Variants in VWA8 observed in about 807,000 individuals in gnomAD.
The protein encoded by VWA8 is von Willebrand factor A domain containing 8.
In VWA8, 221 loss-of-function variants were observed where a neutral mutation model predicts 241.5. That is an observed-to-expected ratio of 0.91 (90% CI 0.82 to 1.02). The LOEUF is 1.02. Among genes scored for constraint, VWA8 ranks in the 50% least tolerant of loss-of-function variants. The pLI, the probability that VWA8 is intolerant of heterozygous loss-of-function variation, is 0.00. For missense variants in VWA8, 2,322 were observed against 2,328.7 expected (o/e 1.00, Z 0.06); for synonymous variants, 852 against 827.1 (o/e 1.03, Z -0.52).
rs1874364004 is a variant in VWA8, at chr13:41,883,463, T to C, written c.1004A>G (p.His335Arg). 6.2e-7 allele frequency: 1 copy of C among 1,613,420 alleles called. No homozygotes were observed. The highest frequency in any genetic ancestry group is 1.3e-5 in the African/African-American group (1 of 74,898). ...ATATGGATAAAGCCACTGGATTGCA[T>C]GTTTGATTGGCATCATAGGAAAGGA... is the stretch of plus-strand genomic sequence containing the variant. ...LDSFPMMPIKHAIQWLYPYSI... is the reference protein window; with the variant it reads ...LDSFPMMPIKRAIQWLYPYSI... The change falls in exon 9 of 45, where the codon CAT (histidine) becomes CGT (arginine). Residue 335 changes from histidine to arginine, a missense_variant. By Grantham distance (29) the His-to-Arg change is conservative. Transcript: ENST00000379310.
At chr13:41,684,755 A>G (rs566243055) in intron 35 of VWA8, among the ~76,000 whole-genome samples, 8 of 152,312 alleles carry the variant, frequency 5.3e-5, no homozygotes, top group African/African-American at 1.9e-4. Context: ...TTCTATGCCT[A>G]ATATACTAAG....
chr13:41,693,406 T>C (rs1410837580), intron 29 of VWA8, among the ~76,000 whole-genome samples: 1 of 152,100 alleles, frequency 6.6e-6, no homozygotes, highest in Non-Finnish European at 1.5e-5. Flanking sequence ...GAAAGCTCTC[T>C]TATATTGTGC....
intron 18 of VWA8, among the ~76,000 whole-genome samples, chr13:41,786,133 G>C (rs1869178834): frequency 6.6e-6 from 1 of 152,100 alleles, no homozygotes; most frequent in South Asian, 2.1e-4. Context: ...AGCCTAGTAG[G>C]CTGTAAACCT....
At chr13:41,839,145 C>T (rs139253204) in intron 12 of VWA8, among the ~76,000 whole-genome samples, 1,671 of 152,262 alleles carry the variant, frequency 0.011, 31 homozygotes, top group African/African-American at 0.039. Flanking sequence ...TCTCCACATC[C>T]TCTCCAGCAT....
chr13:41,833,327 A>G (rs1871554459), intron 13 of VWA8, 44 bp downstream of exon 13: 3 of 1,556,862 alleles, frequency 1.9e-6, no homozygotes, highest in East Asian at 4.5e-5. Context: ...CTTAAGTCAG[A>G]GTGGGGTGTG....
In VWA8 at chr13:41,811,303, AGTT is replaced by A; in HGVS notation, c.1982_1984del (p.Gln661del). 3 of 1,611,470 alleles carry A rather than the reference AGTT, an allele frequency of 1.9e-6. No individual in the cohort carries two copies. Among genetic ancestry groups the A allele is most frequent in the Non-Finnish European group, 2.5e-6 (3 of 1,177,982 alleles). On this transcript the variant is annotated inframe_deletion, in exon 17 of 45. Transcript: ENST00000379310. ...TGACAGCCGACGAGAAATTCGCAACAGTTGTCTGGTAGAAAGTGATGCCGCTAA... is the reference window on the plus strand; with the variant it reads ...TGACAGCCGACGAGAAATTCGCAACAGTCTGGTAGAAAGTGATGCCGCTAA...
intron 21 of VWA8, among the ~76,000 whole-genome samples, chr13:41,742,137 G>A (rs371634003): frequency 3.3e-5 from 5 of 152,182 alleles, no homozygotes; most frequent in South Asian, 2.1e-4. Flanking sequence ...TACAGTCCTC[G>A]TTGCCATTTT....
chr13:41,671,019 G>A lies in VWA8; in HGVS notation c.4538C>T (p.Thr1513Ile). 6.2e-7 allele frequency: 1 copy of A among 1,613,936 alleles called. No homozygotes were observed. ...TGATCGCTGCAGACGTTCAAGTCCA[G>A]TTTCCCAAAGCCTGATGTGACCTCC... Reference protein sequence around the residue: ...DMGGHIRLWETGLERLQRSLM... With the variant: ...DMGGHIRLWEIGLERLQRSLM... The change falls in exon 37 of 45, where the codon ACT (threonine) becomes ATT (isoleucine). Residue 1513 changes from threonine (T) to isoleucine (I), a missense_variant. Thr to Ile is a moderately conservative substitution (Grantham distance 89, BLOSUM62 -1). Transcript: ENST00000379310.
intron 12 of VWA8, among the ~76,000 whole-genome samples, chr13:41,844,702 G>C (rs1286044005): frequency 4.6e-5 from 7 of 151,532 alleles, no homozygotes; most frequent in African/African-American, 1.7e-4. Context: ...ATTCAACATT[G>C]AATGGATACA....
chr13:41,828,359 A>T (rs1395738162), intron 14 of VWA8, among the ~76,000 whole-genome samples: 1 of 152,242 alleles, frequency 6.6e-6, no homozygotes, highest in Non-Finnish European at 1.5e-5. Context: ...AATTAAACAG[A>T]GAGATTAAGT....
chr13:41,572,020 A>C (rs1182745488), intron 43 of VWA8, among the ~76,000 whole-genome samples: 1 of 149,708 alleles, frequency 6.7e-6, no homozygotes, highest in Non-Finnish European at 1.5e-5. Context: ...GGAATTGAGG[A>C]GTGTCTCTGC....
chr13:41,696,526 T>C (rs1338849380), intron 29 of VWA8, among the ~76,000 whole-genome samples: 1 of 152,214 alleles, frequency 6.6e-6, no homozygotes, highest in African/African-American at 2.4e-5. Context: ...GTAGGTGATG[T>C]TTAATTCTGG....
chr13:41,672,068 C>T (rs2045029462), intron 36 of VWA8, among the ~76,000 whole-genome samples: 1 of 152,144 alleles, frequency 6.6e-6, no homozygotes, highest in Admixed American at 6.6e-5. Context: ...AAGAAAGGAA[C>T]CCTATACCAG....
rs189890219 is a variant in VWA8, at chr13:41,851,473, T to C, written c.1425+14263A>G. Among the ~76,000 whole-genome samples the C allele has an allele frequency of 3.9e-5, 6 of 152,270 alleles. No homozygotes were observed. In the East Asian group the frequency reaches 7.7e-4, roughly 20 times the overall value. The stretch of plus-strand genomic sequence containing the variant: ...AATTGTATCTCCCAGAATTCCCACA[T>C]GTAGTGGGAGGGACCCAGGGGGAAG... On this transcript the variant is annotated intron_variant, in intron 12 of 44. Coordinates refer to ENST00000379310, the MANE Select transcript of VWA8 (RefSeq NM_015058.2).
At chr13:41,628,443 T>C (rs1165490045) in intron 37 of VWA8, among the ~76,000 whole-genome samples, 1 of 152,188 alleles carries the variant, frequency 6.6e-6, no homozygotes, top group African/African-American at 2.4e-5. Flanking sequence ...TGCATATAAA[T>C]TATGCACATA....
chr13:41,771,297 A>T (rs2045821327), intron 20 of VWA8, among the ~76,000 whole-genome samples: 1 of 152,056 alleles, frequency 6.6e-6, no homozygotes, highest in Non-Finnish European at 1.5e-5. Flanking sequence ...TAATTTTTGT[A>T]TTTTTAGTAG....
intron 21 of VWA8, among the ~76,000 whole-genome samples, chr13:41,746,031 C>G (rs1200663866): frequency 6.6e-6 from 1 of 151,704 alleles, no homozygotes; most frequent in Non-Finnish European, 1.5e-5. Context: ...AAGAGGAGAC[C>G]AGATTGGAAG....
intron 22 of VWA8, among the ~76,000 whole-genome samples, chr13:41,730,668 A>G (rs1004846253): frequency 6.6e-6 from 1 of 152,160 alleles, no homozygotes; most frequent in African/African-American, 2.4e-5. Context: ...GAAAACTCTT[A>G]AAAACATTTT....
In VWA8 at chr13:41,568,133, A is replaced by G; in HGVS notation, c.*64T>C. The G allele has an allele frequency of 7.2e-7, 1 of 1,396,404 alleles. No individual in the cohort carries two copies. The highest frequency in any genetic ancestry group is 2.3e-5 in the East Asian group (1 of 43,298). 86.5% of individuals were successfully genotyped at this position (1,396,404 alleles called of 1,614,324 possible). ...ACTTCATCCATATCTTCTTTTTTTC[A>G]GAATACTCTTTATTCCTGTCTTATT... On this transcript the variant is annotated 3_prime_UTR_variant, in exon 45 of 45. Coordinates refer to ENST00000379310, the MANE Select transcript of VWA8 (RefSeq NM_015058.2).
Sources: allele counts gnomAD v4.1 joint callset (sites outside exome capture counted in the v4.1 genomes callset), GRCh38; gene constraint gnomAD v4.1.1; transcripts MANE v1.5; gene names NCBI Gene and HGNC (gene_info 2026-07-23, HGNC 2026-07-21).